Variants in TMEM127 observed in about 807,000 individuals in gnomAD.
TMEM127 encodes transmembrane protein 127.
TMEM127 carries 21 observed loss-of-function variants against 20.1 expected under a neutral mutation model. The ratio of observed to expected loss-of-function variants is 1.04; its 90% CI spans 0.74 to 1.50. The LOEUF (loss-of-function observed/expected upper bound fraction) is 1.50. Ranked by LOEUF, TMEM127 falls within the 40% of genes most tolerant of loss-of-function variation. TMEM127 has a pLI of 0.00. For missense variants in TMEM127, 303 were observed against 317.4 expected (o/e 0.95, Z 0.34); for synonymous variants, 150 against 144.7 (o/e 1.04, Z -0.26).
rs886056429 is a variant in TMEM127, at chr2:96,250,460, C to T, written c.*3348G>A. 1 of 232,852 alleles carries T rather than the reference C, an allele frequency of 4.3e-6. No individual in the cohort carries two copies. The highest frequency in any genetic ancestry group is 8.5e-6 in the Non-Finnish European group (1 of 117,860). The allele number at this position is 232,852 out of a possible 1,614,324, so 14.4% of individuals were successfully genotyped here. ...TGCCTTTCTGTGGACAAGTCCATCT[C>T]CTGAACTAAGGACATAAAATCCTTG... On this transcript the variant is annotated 3_prime_UTR_variant, in exon 4 of 4. Transcript: ENST00000258439.
At position 96,250,998 on chromosome 2, in the gene TMEM127, G is replaced by A; in HGVS notation, c.*2810C>T. 4.4e-6 allele frequency: 1 copy of A among 225,930 alleles called. No individual in the cohort carries two copies. The highest frequency in any genetic ancestry group is 8.8e-6 in the Non-Finnish European group (1 of 113,400). The allele number at this position is 225,930 out of a possible 1,614,324, so 14.0% of individuals were successfully genotyped here. On this transcript the variant is annotated 3_prime_UTR_variant, in exon 4 of 4. Coordinates refer to ENST00000258439, the MANE Select transcript of TMEM127 (RefSeq NM_017849.4). ...CCAAAGAAGTCTATTTCCTCCCACA[G>A]GATGGCTAGAGTTTAGGAGCCACGT...
In TMEM127 at chr2:96,249,091, G is replaced by GGTGTGTGT. The variant is rs71301417; in HGVS notation, c.*4709_*4716dup. ...GTGAGGAACCTGTGTGTGTGTGTGTGGTGTGTGTGTGTGTGTGTGTGTGTG... is the reference window on the plus strand; with the variant it reads ...GTGAGGAACCTGTGTGTGTGTGTGTGGTGTGTGTGTGTGTGTGTGTGTGTGTGTGTGTG... On this transcript the variant is annotated 3_prime_UTR_variant, in exon 4 of 4. Transcript: ENST00000258439. 22 of 220,202 alleles carry GGTGTGTGT rather than the reference G, an allele frequency of 1.0e-4. No individual in the cohort carries two copies. Among genetic ancestry groups the GGTGTGTGT allele is most frequent in the South Asian group, 3.8e-4 (2 of 5,260 alleles). 13.6% of individuals were successfully genotyped at this position (220,202 alleles called of 1,614,324 possible).
chr2:96,249,075 C>CTG lies in TMEM127; in HGVS notation c.*4731_*4732dup, dbSNP rs111392153. 173 of 223,240 alleles carry CTG rather than the reference C, an allele frequency of 7.7e-4. No individual in the cohort carries two copies. The highest frequency in any genetic ancestry group is 2.6e-3 in the African/African-American group (117 of 44,316). The allele number at this position is 223,240 out of a possible 1,614,324, so 13.8% of individuals were successfully genotyped here. A position where few individuals can be genotyped will look rare whatever the true frequency, so the allele number is the denominator to read the frequency against. Reference sequence around the variant, plus strand: ...TTCCCCAAAGCTTATGGTGAGGAACCTGTGTGTGTGTGTGTGGTGTGTGTG... The same window carrying CTG: ...TTCCCCAAAGCTTATGGTGAGGAACCTGTGTGTGTGTGTGTGTGGTGTGTGTG... On this transcript the variant is annotated 3_prime_UTR_variant, in exon 4 of 4. Coordinates refer to ENST00000258439, the MANE Select transcript of TMEM127 (RefSeq NM_017849.4).
chr2:96,254,852 G>C lies in TMEM127; in HGVS notation c.390C>G (p.Ala130=). The stretch of plus-strand genomic sequence containing the variant: ...GCTTACCCGTTAGGATATGGGCGAA[G>C]GCATAGCGACGAGTGATCTTCAGAG... The part of the protein sequence containing the change: ...HPALKITRRY[A]FAHILTVLQC... Residue 130 remains alanine, a synonymous_variant, in exon 3 of 4, where the codon GCC becomes GCG. Transcript: ENST00000258439. 6.2e-7 allele frequency: 1 copy of C among 1,614,156 alleles called. No individual in the cohort carries two copies. The highest frequency in any genetic ancestry group is 1.1e-5 in the South Asian group (1 of 91,084).
Position 96,252,537 on chromosome 2 carries a change from G to GTACAT in TMEM127, c.*1266_*1270dup, listed in dbSNP as rs1287465465. On this transcript the variant is annotated 3_prime_UTR_variant, in exon 4 of 4. Transcript: ENST00000258439. This position sits in a 1 kb window ranked among gnomAD's most constrained non-coding sequence, Gnocchi z 4.2. ...CCCAGCAGCACACTGCAAGACCAGA[G>GTACAT]TACATTCAAGAGGGGAGAGGGCACG... 1.3e-5 allele frequency: 3 copies of GTACAT among 233,824 alleles called. No individual in the cohort carries two copies. The highest frequency in any genetic ancestry group is 4.4e-5 in the African/African-American group (2 of 45,374). The allele number at this position is 233,824 out of a possible 1,614,324, so 14.5% of individuals were successfully genotyped here.
rs376849705 is a variant in TMEM127, at chr2:96,252,562, G to C, written c.*1246C>G. On this transcript the variant is annotated 3_prime_UTR_variant, in exon 4 of 4. Coordinates refer to ENST00000258439, the MANE Select transcript of TMEM127 (RefSeq NM_017849.4). This position sits in a 1 kb window ranked among gnomAD's most constrained non-coding sequence, Gnocchi z 4.2. ...GTACATTCAAGAGGGGAGAGGGCAC[G>C]TGGCAAGCTGGAGTCCCGAGTCAGA... 4.3e-6 allele frequency: 1 copy of C among 233,892 alleles called. No homozygotes were observed. The highest frequency in any genetic ancestry group is 6.0e-5 in the East Asian group (1 of 16,612). The allele number at this position is 233,892 out of a possible 1,614,324, so 14.5% of individuals were successfully genotyped here.
chr2:96,252,324 T>G lies in TMEM127; in HGVS notation c.*1484A>C. ...AGGTTGGAAGAGATTGGAATCCATT[T>G]CCTTTTCAGCTCAGCAGGGGACACT... On this transcript the variant is annotated 3_prime_UTR_variant, in exon 4 of 4. Transcript: ENST00000258439. The surrounding 1 kb of genome is among the most constrained non-coding windows in gnomAD (Gnocchi z 4.2). 1 of 233,284 alleles carries G rather than the reference T, an allele frequency of 4.3e-6. No homozygotes were observed. The highest frequency in any genetic ancestry group is 8.5e-6 in the Non-Finnish European group (1 of 118,036). 14.5% of individuals were successfully genotyped at this position (233,284 alleles called of 1,614,324 possible). A position where few individuals can be genotyped will look rare whatever the true frequency, so the allele number is the denominator to read the frequency against.
chr2:96,250,829 C>CTATG lies in TMEM127; in HGVS notation c.*2975_*2978dup, dbSNP rs1453677109. On this transcript the variant is annotated 3_prime_UTR_variant, in exon 4 of 4. Transcript: ENST00000258439. Reference sequence around the variant, plus strand: ...TGCCTCTCCTAGTAAGATTCATTACCTATGGTTTCAAAGAAAGTGCAGTTT... The same window carrying CTATG: ...TGCCTCTCCTAGTAAGATTCATTACCTATGTATGGTTTCAAAGAAAGTGCAGTTT... 4 of 231,996 alleles carry CTATG rather than the reference C, an allele frequency of 1.7e-5. No homozygotes were observed. Among genetic ancestry groups the CTATG allele is most frequent in the Non-Finnish European group, 3.4e-5 (4 of 117,424 alleles). 14.4% of individuals were successfully genotyped at this position (231,996 alleles called of 1,614,324 possible).
At chr2:96,260,230 C>T (rs1684287957) in intron 2 of TMEM127, among the ~76,000 whole-genome samples, 1 of 152,214 alleles carries the variant, frequency 6.6e-6, no homozygotes, top group South Asian at 2.1e-4. Context: ...AGGCAGTTAT[C>T]CTAGACAGGC....
intron 2 of TMEM127, among the ~76,000 whole-genome samples, chr2:96,264,883 G>A (rs759257875): frequency 7.2e-5 from 11 of 152,310 alleles, no homozygotes; most frequent in Middle Eastern, 3.4e-3. Context: ...GATACACAGC[G>A]TCCTTCCTCC....
intron 2 of TMEM127, among the ~76,000 whole-genome samples, chr2:96,257,066 G>A (rs570010409): frequency 1.3e-5 from 2 of 152,278 alleles, no homozygotes; most frequent in African/African-American, 4.8e-5. Context: ...GGTTCCTGGG[G>A]GTCATGGTGC....
In TMEM127 at chr2:96,265,549, C is replaced by T. The variant is rs999491484; in HGVS notation, c.-131-37G>A. The T allele has an allele frequency of 3.3e-5, 30 of 897,526 alleles. 1 individual carries two copies. The Middle Eastern group carries it at 2.3e-3, about 69-fold the overall frequency. The allele number at this position is 897,526 out of a possible 1,614,324, so 55.6% of individuals were successfully genotyped here. Reference sequence around the variant, plus strand: ...GACACCAGAGGATAGGGGGGTGGGACCCGGGGCTGACGGAGACGGGGAGGG... The same window carrying T: ...GACACCAGAGGATAGGGGGGTGGGATCCGGGGCTGACGGAGACGGGGAGGG... On this transcript the variant is annotated intron_variant, in intron 1 of 3. Transcript: ENST00000258439.
intron 2 of TMEM127, among the ~76,000 whole-genome samples, chr2:96,258,667 C>T (rs181821996): frequency 6.6e-6 from 1 of 152,326 alleles, no homozygotes; most frequent in Admixed American, 6.5e-5. Flanking sequence ...CTTCATTGAA[C>T]CCAGCCCTGC....
At chr2:96,257,912 CAAAA>C (rs11421832) in intron 2 of TMEM127, among the ~76,000 whole-genome samples, 1 of 148,986 alleles carries the variant, frequency 6.7e-6, no homozygotes, top group African/African-American at 2.5e-5. Context: ...GACTCCGCCT[CAAAA>C]AAAAAAGTAG....
At chr2:96,254,705 G>A (rs1684164671) in intron 3 of TMEM127, 128 bp downstream of exon 3, 2 of 1,236,608 alleles carry the variant, frequency 1.6e-6, no homozygotes, top group Non-Finnish European at 2.4e-6. Context: ...GGGAAAGACT[G>A]GAGCTTGGCA....
chr2:96,254,251 G>T, intron 3 of TMEM127, 136 bp from the exon 4 acceptor site: 1 of 1,174,394 alleles, frequency 8.5e-7, no homozygotes, highest in East Asian at 2.5e-5. Context: ...CTGCAAGGAG[G>T]AGCTCTCTTG....
chr2:96,252,704 G>C lies in TMEM127; in HGVS notation c.*1104C>G. 1 of 233,908 alleles carries C rather than the reference G, an allele frequency of 4.3e-6. No individual in the cohort carries two copies. The highest frequency in any genetic ancestry group is 1.8e-4 in the South Asian group (1 of 5,536). The allele number at this position is 233,908 out of a possible 1,614,324, so 14.5% of individuals were successfully genotyped here. Reference sequence around the variant, plus strand: ...TGTATTCCTATGTGGAGGGTGGTGGGTTCCTGCCCTGTTGTGGCCCCTGTT... The same window carrying C: ...TGTATTCCTATGTGGAGGGTGGTGGCTTCCTGCCCTGTTGTGGCCCCTGTT... On this transcript the variant is annotated 3_prime_UTR_variant, in exon 4 of 4. Coordinates refer to ENST00000258439, the MANE Select transcript of TMEM127 (RefSeq NM_017849.4). The surrounding 1 kb of genome is among the most constrained non-coding windows in gnomAD (Gnocchi z 4.2).
At chr2:96,257,757 T>C (rs1238961695) in intron 2 of TMEM127, among the ~76,000 whole-genome samples, 3 of 151,410 alleles carry the variant, frequency 2.0e-5, no homozygotes. Flanking sequence ...CTACTAAAAA[T>C]TTAAAAAATC....
rs377740271 is a variant in TMEM127, at chr2:96,265,329, G to C, written c.53C>G (p.Pro18Arg). 3 of 1,520,940 alleles carry C rather than the reference G, an allele frequency of 2.0e-6. No individual in the cohort carries two copies. The Admixed American group carries it at 6.1e-5, about 31-fold the overall frequency. The allele number at this position is 1,520,940 out of a possible 1,614,324, so 94.2% of individuals were successfully genotyped here. A position where few individuals can be genotyped will look rare whatever the true frequency, so the allele number is the denominator to read the frequency against. Residue 18 changes from proline to arginine, a missense_variant, in exon 2 of 4, where the codon CCG becomes CGG. Physicochemically the swap from Pro to Arg is moderately radical, Grantham distance 103. Coordinates refer to ENST00000258439, the MANE Select transcript of TMEM127 (RefSeq NM_017849.4). ...CTGCTTGGGCAGAGCGCTGCCTCCCGGGCTCCTCCGCCGGCGCCCGCCGGG... is the reference window on the plus strand; with the variant it reads ...CTGCTTGGGCAGAGCGCTGCCTCCCCGGCTCCTCCGCCGGCGCCCGCCGGG... ...GLPGGRRRRS[P>R]GGSALPKQPE...
Sources: allele counts gnomAD v4.1 joint callset (sites outside exome capture counted in the v4.1 genomes callset), GRCh38; gene constraint gnomAD v4.1.1; non-coding constraint Gnocchi (gnomAD v3.1); transcripts MANE v1.5; gene names NCBI Gene and HGNC (gene_info 2026-07-23, HGNC 2026-07-21).